The following EAPP variants were observed in gnomAD, a reference collection of about 807,000 sequenced individuals.
The protein encoded by EAPP is E2F associated phosphoprotein, also known as E2F-associated phosphoprotein.
A neutral mutation model predicts 34.3 loss-of-function variants in EAPP; 38 were observed. That is an observed-to-expected ratio of 1.11 (90% confidence interval 0.85 to 1.45). The LOEUF (loss-of-function observed/expected upper bound fraction) is 1.45. Ranked by LOEUF, EAPP falls within the 40% of genes most tolerant of loss-of-function variation. The pLI, the probability that EAPP is intolerant of heterozygous loss-of-function variation, is 0.00. For missense variants in EAPP, 338 were observed against 343.7 expected, an observed-to-expected ratio of 0.98 and a Z score of 0.13; for synonymous variants, 113 against 117.6, an observed-to-expected ratio of 0.96 and a Z score of 0.25.
intron 5 of EAPP, among the ~76,000 whole-genome samples, chr14:34,520,127 T>C (rs987078741): frequency 1.3e-5 from 2 of 151,904 alleles, no homozygotes; most frequent in African/African-American, 4.8e-5. Flanking sequence ...CCACAGGTGA[T>C]CCACCTGCCT....
At chr14:34,520,456 C>CTT (rs1416733475) in intron 5 of EAPP, among the ~76,000 whole-genome samples, 1 of 150,694 alleles carries the variant, frequency 6.6e-6, no homozygotes, top group African/African-American at 2.4e-5. Flanking sequence ...GTGATCCACC[C>CTT]TCCCCTGCCT....
intron 3 of EAPP, among the ~76,000 whole-genome samples, chr14:34,531,095 A>T (rs1880274086): frequency 6.6e-6 from 1 of 151,076 alleles, no homozygotes; most frequent in African/African-American, 2.4e-5. Context: ...ACCTGAGATC[A>T]GGAGTTTCAA....
chr14:34,539,512 C>T, intron 1 of EAPP, 43 bp downstream of exon 1: 3 of 1,596,534 alleles, frequency 1.9e-6, no homozygotes, highest in Non-Finnish European at 1.7e-6. Context: ...AAAGCCAGGC[C>T]TCGACCCAAA....
chr14:34,531,133 T>C (rs1443217226), intron 3 of EAPP, among the ~76,000 whole-genome samples: 1 of 151,830 alleles, frequency 6.6e-6, no homozygotes, highest in Non-Finnish European at 1.5e-5. Flanking sequence ...GGCGAAATCC[T>C]GTCTCTTCTA....
intron 2 of EAPP, among the ~76,000 whole-genome samples, chr14:34,534,874 C>T (rs967536118): frequency 1.3e-5 from 2 of 149,436 alleles, no homozygotes; most frequent in African/African-American, 4.9e-5. Flanking sequence ...GAGTCTAGCT[C>T]TGTCACCCAG....
intron 5 of EAPP, among the ~76,000 whole-genome samples, chr14:34,519,109 C>T (rs998713804): frequency 3.9e-5 from 6 of 152,120 alleles, no homozygotes; most frequent in East Asian, 1.9e-4. Flanking sequence ...ACTTCCCCCT[C>T]GTGCTGCTCT....
chr14:34,536,359 C>A, intron 1 of EAPP, 84 bp from the exon 2 acceptor site: 1 of 1,052,776 alleles, frequency 9.5e-7, no homozygotes, highest in African/African-American at 1.6e-5. Flanking sequence ...TGTCCAACAA[C>A]AATTTTAAGT....
At chr14:34,538,006 T>C (rs1349720057) in intron 1 of EAPP, among the ~76,000 whole-genome samples, 1 of 152,176 alleles carries the variant, frequency 6.6e-6, no homozygotes, top group Non-Finnish European at 1.5e-5. Context: ...GATAACATTG[T>C]TTTGTTTTTA....
At chr14:34,533,916 T>C (rs1880378956) in intron 2 of EAPP, among the ~76,000 whole-genome samples, 1 of 152,146 alleles carries the variant, frequency 6.6e-6, no homozygotes, top group South Asian at 2.1e-4. Flanking sequence ...GTAAGAACCC[T>C]ATAGGAAGGC....
At chr14:34,523,979 G>A (rs969527897) in intron 5 of EAPP, among the ~76,000 whole-genome samples, 2 of 152,118 alleles carry the variant, frequency 1.3e-5, no homozygotes, top group Admixed American at 6.6e-5. Flanking sequence ...TTCTGGGCTG[G>A]GCACAGTGGC....
chr14:34,534,600 T>G (rs1880403283), intron 2 of EAPP, among the ~76,000 whole-genome samples: 1 of 152,200 alleles, frequency 6.6e-6, no homozygotes. Flanking sequence ...AAAATACTTT[T>G]GTAAGTTTGT....
At chr14:34,536,415 T>C (rs369013236) in intron 1 of EAPP, 140 bp from the exon 2 acceptor site, 7 of 549,284 alleles carry the variant, frequency 1.3e-5, no homozygotes, top group African/African-American at 4.0e-5. Context: ...ATATAGCTAT[T>C]CTCACTTAAT....
At chr14:34,529,067 C>T (rs371830133) in intron 4 of EAPP, among the ~76,000 whole-genome samples, 18 of 151,966 alleles carry the variant, frequency 1.2e-4, no homozygotes, top group African/African-American at 3.1e-4. Flanking sequence ...ACGCAGGAGG[C>T]GGAGGTTGCA....
intron 2 of EAPP, among the ~76,000 whole-genome samples, chr14:34,533,995 A>T (rs995488917): frequency 2.0e-5 from 3 of 152,104 alleles, no homozygotes; most frequent in Non-Finnish European, 4.4e-5. Flanking sequence ...ACCTATACTT[A>T]TGTCATCATA....
chr14:34,537,483 ACATCATGGACCCTAGATAT>A (rs1180394020), intron 1 of EAPP, among the ~76,000 whole-genome samples: 2 of 152,230 alleles, frequency 1.3e-5, no homozygotes, highest in African/African-American at 4.8e-5. Context: ...AGGCAGTCAT[ACATCATGGACCCTAGATAT>A]GCAAGTTAAG....
chr14:34,533,581 T>TA, intron 2 of EAPP, 42 bp from the exon 3 acceptor site: 1 of 1,375,376 alleles, frequency 7.3e-7, no homozygotes, highest in Non-Finnish European at 9.9e-7. Context: ...AAATCATACA[T>TA]AATTCACAAG....
At chr14:34,521,936 G>A (rs1302277201) in intron 5 of EAPP, among the ~76,000 whole-genome samples, 2 of 151,068 alleles carry the variant, frequency 1.3e-5, no homozygotes, top group Non-Finnish European at 3.0e-5. Context: ...GCCCGGCTGA[G>A]TTCCCAGATT....
At chr14:34,536,449 T>A in intron 1 of EAPP, 174 bp from the exon 2 acceptor site, 12 of 377,554 alleles carry the variant, frequency 3.2e-5, no homozygotes, top group Non-Finnish European at 5.0e-5. Flanking sequence ...ATATTTCCAA[T>A]CTTCTTTAAT....
chr14:34,516,443 G>A lies in EAPP; in HGVS notation c.725C>T (p.Ala242Val). 6.2e-7 allele frequency: 1 copy of A among 1,614,174 alleles called. No homozygotes were observed. Among genetic ancestry groups the A allele is most frequent in the Non-Finnish European group, 8.5e-7 (1 of 1,180,028 alleles). ...HKKMRSNRED[A>V]AEKAETDVEE... ...CACATCTGTCTCTGCCTTCTCGGCA[G>A]CATCTTCCCGGTTAGACCTCATCTT... Residue 242 changes from alanine to valine, a missense_variant, in exon 6 of 6, where the codon GCT (alanine) becomes GTT (valine). Coordinates refer to ENST00000250454, the MANE Select transcript of EAPP (RefSeq NM_018453.4).
Sources: gnomAD v4.1 joint callset for allele counts (sites outside exome capture counted in the v4.1 genomes callset) on GRCh38, gnomAD v4.1.1 for gene constraint, MANE v1.5 for transcripts, NCBI Gene and HGNC (gene_info 2026-07-23, HGNC 2026-07-21) for gene names.